The following SLIT2 variants were observed in gnomAD, a reference collection of about 807,000 sequenced individuals.
The protein encoded by SLIT2 is slit guidance ligand 2.
Under a neutral mutation model 185.7 loss-of-function variants are expected in SLIT2, and 41 were observed. The ratio of observed to expected loss-of-function variants is 0.22; its 90% CI spans 0.17 to 0.29. The LOEUF (loss-of-function observed/expected upper bound fraction) is 0.29. Among genes scored for constraint, SLIT2 ranks in the 10% least tolerant of loss-of-function variants. The pLI is 1.00. For synonymous variants in SLIT2, 693 were observed against 680.2 expected, an observed-to-expected ratio of 1.02 and a Z score of -0.29; for missense variants, 1,571 against 1,909.0, an observed-to-expected ratio of 0.82 and a Z score of 3.30.
chr4:20,532,196 A>G (rs1299083915), intron 17 of SLIT2, 138 bp downstream of exon 17: 1 of 579,764 alleles, frequency 1.7e-6, no homozygotes, highest in East Asian at 3.1e-5. Context: ...ACATGAATTT[A>G]GGGTAATCTC....
chr4:20,498,382 C>T (rs1360197521), intron 9 of SLIT2, among the ~76,000 whole-genome samples: 3 of 152,122 alleles, frequency 2.0e-5, no homozygotes, highest in Non-Finnish European at 4.4e-5. Flanking sequence ...TGCAATGCCT[C>T]CTGTGAGTCT....
chr4:20,575,694 T>TGCTCTCCTGCTGTCTCTTCA (rs1351055365), intron 29 of SLIT2, among the ~76,000 whole-genome samples: 2 of 152,172 alleles, frequency 1.3e-5, no homozygotes, highest in East Asian at 3.9e-4. Context: ...GCTTTCCTTC[T>TGCTCTCCTGCTGTCTCTTCA]GCTCTCCTGC....
At chr4:20,370,080 G>A (rs1248510874) in intron 4 of SLIT2, among the ~76,000 whole-genome samples, 3 of 152,058 alleles carry the variant, frequency 2.0e-5, no homozygotes, top group African/African-American at 7.2e-5. Flanking sequence ...CAGAGGGAGA[G>A]GCCCAGCAAG....
At chr4:20,264,697 T>C (rs1462029264) in intron 3 of SLIT2, among the ~76,000 whole-genome samples, 1 of 151,910 alleles carries the variant, frequency 6.6e-6, no homozygotes, top group Non-Finnish European at 1.5e-5. Context: ...TTTTGTGCAA[T>C]GCAGAAAGAT....
chr4:20,364,313 G>A (rs981233257), intron 4 of SLIT2: 10 of 980,938 alleles, frequency 1.0e-5, no homozygotes, highest in Non-Finnish European at 1.2e-5. Context: ...AATGGTTCAA[G>A]TAATTGAAAA....
At chr4:20,581,780 A>G (rs141746944) in intron 29 of SLIT2, among the ~76,000 whole-genome samples, 145 of 151,888 alleles carry the variant, frequency 9.5e-4, no homozygotes, top group African/African-American at 3.4e-3. Context: ...TTCGCTCTTC[A>G]TTGCCCAGGC....
intron 4 of SLIT2, among the ~76,000 whole-genome samples, chr4:20,403,715 C>T (rs1238799614): frequency 2.0e-5 from 3 of 151,848 alleles, no homozygotes; most frequent in African/African-American, 7.2e-5. Context: ...GTTTTTGATA[C>T]AAATGAATAA....
chr4:20,478,327 C>A (rs1334648800), intron 5 of SLIT2, among the ~76,000 whole-genome samples: 1 of 152,148 alleles, frequency 6.6e-6, no homozygotes, highest in East Asian at 1.9e-4. Flanking sequence ...CCTATGGAAA[C>A]CAAACATTCT....
intron 4 of SLIT2, among the ~76,000 whole-genome samples, chr4:20,425,177 A>G (rs1728454845): frequency 6.6e-6 from 1 of 152,030 alleles, no homozygotes; most frequent in South Asian, 2.1e-4. Flanking sequence ...GGCAAACCTT[A>G]TTTTTTTAAT....
At chr4:20,256,621 A>C (rs1711874634) in intron 1 of SLIT2, 51 bp from the exon 2 acceptor site, 1 of 886,270 alleles carries the variant, frequency 1.1e-6, no homozygotes, top group African/African-American at 1.7e-5. Context: ...TACTTGAAGC[A>C]GGTAAACATA....
intron 4 of SLIT2, among the ~76,000 whole-genome samples, chr4:20,336,616 C>A (rs761573543): frequency 4.6e-5 from 7 of 151,954 alleles, no homozygotes; most frequent in Non-Finnish European, 1.0e-4. Flanking sequence ...ACCAACATGG[C>A]ACATGTATAC....
chr4:20,344,005 C>T (rs1369859803), intron 4 of SLIT2, among the ~76,000 whole-genome samples: 2 of 151,998 alleles, frequency 1.3e-5, no homozygotes, highest in Admixed American at 1.3e-4. Context: ...TGTGCACCAC[C>T]ACACCCGGCT....
chr4:20,550,237 G>C (rs1386180954), intron 24 of SLIT2, among the ~76,000 whole-genome samples: 2 of 151,892 alleles, frequency 1.3e-5, no homozygotes, highest in Admixed American at 1.3e-4. Context: ...TATTTTATTT[G>C]TTTACTAAGC....
chr4:20,374,934 A>T (rs76291092), intron 4 of SLIT2, among the ~76,000 whole-genome samples: 2,247 of 152,224 alleles, frequency 0.015, 51 homozygotes, highest in African/African-American at 0.05. Flanking sequence ...ACCTGTCAAC[A>T]TCACTACAGT....
chr4:20,442,401 G>A lies in SLIT2; in HGVS notation c.396-25351G>A, dbSNP rs1448735034. ...TAGCTAGGTGTGGTGGCGGGCGCCT[G>A]TAGTCCCAGCTACTTGGGAAGCTGA... On this transcript the variant is annotated intron_variant, in intron 4 of 36. Transcript: ENST00000504154. Among the ~76,000 whole-genome samples, 5 of 152,070 alleles carry A rather than the reference G, an allele frequency of 3.3e-5. No homozygotes were observed. In the East Asian group the frequency reaches 5.8e-4, roughly 18 times the overall value.
At chr4:20,556,069 A>G (rs1486841397) in intron 26 of SLIT2, among the ~76,000 whole-genome samples, 1 of 152,020 alleles carries the variant, frequency 6.6e-6, no homozygotes, top group Non-Finnish European at 1.5e-5. Flanking sequence ...TCAATATTTT[A>G]TTTTATTTAA....
In SLIT2 at chr4:20,253,778, G is replaced by A. The variant is rs561293613; in HGVS notation, c.-38G>A. On this transcript the variant is annotated 5_prime_UTR_variant, in exon 1 of 37. Transcript: ENST00000504154. ...CCCTCGGAGCAGCAAGCTAAAGAAAGCCCCCAGTGCCGGCGAGGAAGGAGG... is the reference window on the plus strand; with the variant it reads ...CCCTCGGAGCAGCAAGCTAAAGAAAACCCCCAGTGCCGGCGAGGAAGGAGG... 3.8e-6 allele frequency: 6 copies of A among 1,591,092 alleles called. No homozygotes were observed. Among genetic ancestry groups the A allele is most frequent in the South Asian group, 3.3e-5 (3 of 90,206 alleles).
chr4:20,255,908 TG>T (rs1224500549), intron 1 of SLIT2, among the ~76,000 whole-genome samples: 2 of 152,172 alleles, frequency 1.3e-5, no homozygotes, highest in Non-Finnish European at 2.9e-5. Flanking sequence ...TGGTTTTACT[TG>T]AAGTGATTGG....
At chr4:20,555,178 G>A (rs191408927) in intron 26 of SLIT2, among the ~76,000 whole-genome samples, 1 of 152,196 alleles carries the variant, frequency 6.6e-6, no homozygotes, top group Non-Finnish European at 1.5e-5. Flanking sequence ...TGTTTTATGT[G>A]CAAAACTCAA....
Sources: allele counts gnomAD v4.1 joint callset (sites outside exome capture counted in the v4.1 genomes callset), GRCh38; gene constraint gnomAD v4.1.1; transcripts MANE v1.5; gene names NCBI Gene and HGNC (gene_info 2026-07-23, HGNC 2026-07-21).